Variants in KIFAP3 observed in about 807,000 individuals in gnomAD.
The protein encoded by KIFAP3 is kinesin-associated protein 3.
In KIFAP3, 68 loss-of-function variants were observed where a neutral mutation model predicts 106.5. The observed-to-expected ratio is 0.64, with a 90% CI of 0.53 to 0.78. KIFAP3 has a LOEUF of 0.78. KIFAP3 is among the 30% of genes least tolerant of loss of function. KIFAP3 has a pLI of 0.00. For synonymous variants in KIFAP3, 320 were observed against 311.5 expected, an observed-to-expected ratio of 1.03 and a Z score of -0.29; for missense variants, 780 against 941.8, an observed-to-expected ratio of 0.83 and a Z score of 2.25.
At chr1:170,012,436 C>T (rs960107852) in intron 10 of KIFAP3, among the ~76,000 whole-genome samples, 2 of 152,048 alleles carry the variant, frequency 1.3e-5, no homozygotes, top group African/African-American at 4.8e-5. Flanking sequence ...GGCTCCAAAT[C>T]CCATGCTTTT....
chr1:169,923,975 T>C (rs1344936848), intron 19 of KIFAP3, among the ~76,000 whole-genome samples: 1 of 84,256 alleles, frequency 1.2e-5, no homozygotes. Context: ...TACATTCAAG[T>C]TGCAAAATTC....
chr1:169,924,363 G>A (rs563112935), intron 19 of KIFAP3, among the ~76,000 whole-genome samples: 78 of 152,110 alleles, frequency 5.1e-4, no homozygotes, highest in African/African-American at 1.7e-3. Context: ...TTAATTTTTC[G>A]AATTTCTATA....
intron 9 of KIFAP3, among the ~76,000 whole-genome samples, chr1:170,021,941 CTTTTTTTTT>C (rs71125221): frequency 1.3e-5 from 1 of 77,882 alleles, no homozygotes; most frequent in African/African-American, 4.8e-5. Context: ...TCTTTTCTTT[CTTTTTTTTT>C]TTTTTTTTTT....
intron 10 of KIFAP3, among the ~76,000 whole-genome samples, chr1:170,000,104 A>G (rs1667583699): frequency 6.6e-6 from 1 of 152,192 alleles, no homozygotes; most frequent in Admixed American, 6.6e-5. Context: ...TAATTTTGTA[A>G]GACACTTGGG....
intron 1 of KIFAP3, among the ~76,000 whole-genome samples, chr1:170,065,115 T>A (rs1671368532): frequency 6.6e-6 from 1 of 152,228 alleles, no homozygotes; most frequent in Non-Finnish European, 1.5e-5. Flanking sequence ...GCAGATTTTA[T>A]CAGTATGAAA....
chr1:169,977,073 A>C (rs1168534902), intron 16 of KIFAP3, among the ~76,000 whole-genome samples: 1 of 152,078 alleles, frequency 6.6e-6, no homozygotes, highest in Non-Finnish European at 1.5e-5. Flanking sequence ...ATACTTGTCT[A>C]TCTCTCCAAC....
intron 10 of KIFAP3, among the ~76,000 whole-genome samples, chr1:170,012,026 A>G (rs1668267034): frequency 6.6e-6 from 1 of 152,176 alleles, no homozygotes; most frequent in Non-Finnish European, 1.5e-5. Flanking sequence ...CCACACAATA[A>G]AACTCAAGAA....
chr1:170,018,958 T>C (rs1668666210), intron 9 of KIFAP3, among the ~76,000 whole-genome samples: 1 of 152,052 alleles, frequency 6.6e-6, no homozygotes, highest in Non-Finnish European at 1.5e-5. Context: ...GCTGATTCTT[T>C]GAAAATACCA....
At chr1:170,053,152 T>C (rs959061892) in intron 2 of KIFAP3, among the ~76,000 whole-genome samples, 1 of 152,090 alleles carries the variant, frequency 6.6e-6, no homozygotes, top group African/African-American at 2.4e-5. Context: ...AAATTCTCAG[T>C]ATACAAAATC....
At chr1:169,944,689 A>G (rs2101820571) in intron 19 of KIFAP3, among the ~76,000 whole-genome samples, 1 of 152,248 alleles carries the variant, frequency 6.6e-6, no homozygotes, top group South Asian at 2.1e-4. Flanking sequence ...AGGAGACCCA[A>G]AGTAGTAGCT....
intron 3 of KIFAP3, chr1:170,041,591 C>A: frequency 9.7e-7 from 1 of 1,028,606 alleles, no homozygotes; most frequent in South Asian, 1.5e-5. Flanking sequence ...ATTTCAGAGG[C>A]CCGGAGATGA....
chr1:170,038,188 A>C, intron 5 of KIFAP3, 102 bp downstream of exon 5: 1 of 892,410 alleles, frequency 1.1e-6, no homozygotes, highest in Non-Finnish European at 1.6e-6. Flanking sequence ...AATCTGAGTA[A>C]GAAAGAAATA....
At chr1:170,077,507 CAT>C (rs1227927757), upstream of KIFAP3, among the ~76,000 whole-genome samples, 4 of 152,126 alleles carry the variant, frequency 2.6e-5, no homozygotes, top group African/African-American at 9.7e-5. Context: ...ATATTAGAAA[CAT>C]GATACTGAGT....
intron 10 of KIFAP3, among the ~76,000 whole-genome samples, chr1:170,012,917 TA>T (rs1419818885): frequency 6.6e-6 from 1 of 152,094 alleles, no homozygotes; most frequent in African/African-American, 2.4e-5. Flanking sequence ...ATGAGAACAC[TA>T]TGCGGAAAAT....
Position 170,015,024 on chromosome 1 carries a change from G to A in KIFAP3, c.1183+1438C>T, listed in dbSNP as rs764856963. 3.9e-5 allele frequency among the ~76,000 whole-genome samples: 6 copies of A among 152,066 alleles called. No homozygotes were observed. In the South Asian group the frequency reaches 1.0e-3, roughly 26 times the overall value. ...GTCACAGTTCTAATAAAACAGTCTC[G>A]CTCAAGAAACTGGGCTCCAAAGGAG... On this transcript the variant is annotated intron_variant, in intron 10 of 19. Transcript: ENST00000361580.
intron 3 of KIFAP3, among the ~76,000 whole-genome samples, chr1:170,045,143 C>A (rs955405858): frequency 6.6e-6 from 1 of 152,182 alleles, no homozygotes. Context: ...TATGACCAGA[C>A]TGCTTTGAGG....
At chr1:170,074,237 G>A (rs1169878256) in intron 1 of KIFAP3, among the ~76,000 whole-genome samples, 199 bp downstream of exon 1, 1 of 152,144 alleles carries the variant, frequency 6.6e-6, no homozygotes. Flanking sequence ...CGCCGAGTCA[G>A]GTCAAAGGAC....
chr1:169,929,960 G>T (rs892591883), intron 19 of KIFAP3, among the ~76,000 whole-genome samples: 5 of 152,004 alleles, frequency 3.3e-5, no homozygotes, highest in African/African-American at 1.2e-4. Context: ...AATGATGAAG[G>T]GAACGTGTGT....
At chr1:170,024,629 T>C (rs781705343) in intron 8 of KIFAP3, 33 bp from the exon 9 acceptor site, 6 of 1,247,972 alleles carry the variant, frequency 4.8e-6, no homozygotes, top group Non-Finnish European at 6.6e-6. Flanking sequence ...AGATAAAGAA[T>C]TAGTATACTG....
Sources: allele counts gnomAD v4.1 joint callset (sites outside exome capture counted in the v4.1 genomes callset), GRCh38; gene constraint gnomAD v4.1.1; transcripts MANE v1.5; gene names NCBI Gene and HGNC (gene_info 2026-07-23, HGNC 2026-07-21).